Variants in ERVK3-1 observed in about 807,000 individuals in gnomAD.
ERVK3-1 encodes the protein endogenous retrovirus group K3 member 1.
At chr19:58,309,248 T>G (rs2051542349) in intron 2 of ERVK3-1, 1 of 152,236 alleles carries the variant, frequency 6.6e-6, no homozygotes, top group Non-Finnish European at 1.5e-5. Flanking sequence ...TAATATTGTT[T>G]TGGCCACTCC....
At chr19:58,314,755 G>A in exon 4 of ERVK3-1, 2 of 399,590 alleles carry the variant, frequency 5.0e-6, no homozygotes, top group Non-Finnish European at 8.9e-6. Flanking sequence ...TAGTCTATAG[G>A]ATCGGGTGAA....
At chr19:58,309,884 C>A (rs1292722486) in intron 2 of ERVK3-1, 2 of 152,198 alleles carry the variant, frequency 1.3e-5, no homozygotes, top group Non-Finnish European at 2.9e-5. Flanking sequence ...CAGGCTGCGG[C>A]CTGGGAGATG....
At position 58,312,001 on chromosome 19, in the gene ERVK3-1, C is replaced by A. The variant is rs754724857; in HGVS notation, c.-3-165C>A. 7 of 395,626 alleles carry A rather than the reference C, an allele frequency of 1.8e-5. No individual in the cohort carries two copies. The highest frequency in any genetic ancestry group is 2.2e-5 in the Non-Finnish European group (5 of 224,780). The allele number at this position is 395,626 out of a possible 1,614,324, so 24.5% of individuals were successfully genotyped here. On this transcript the variant is annotated intron_variant, in intron 2 of 3. Transcript: ENST00000413518. This position sits in a 1 kb window ranked among gnomAD's most constrained non-coding sequence, Gnocchi z 4.7. ...GCCTTGTTTACTTTAAATTGTTTGA[C>A]TCCTGGTACGGATGGCAAGACCCCA...
At chr19:58,316,401 G>A (rs537579890), downstream of ERVK3-1, among the ~76,000 whole-genome samples, 44 of 152,320 alleles carry the variant, frequency 2.9e-4, no homozygotes, top group African/African-American at 1.0e-3. Flanking sequence ...AGCAGGCTGG[G>A]CGCAGTGGCT....
chr19:58,306,853 GC>G (rs112877738), intron 2 of ERVK3-1, among the ~76,000 whole-genome samples: 9,806 of 152,234 alleles, frequency 0.064, 1,074 homozygotes, highest in African/African-American at 0.22. Flanking sequence ...AGAATTAAAA[GC>G]TAGTGTGGTT....
chr19:58,307,469 T>A (rs1481461142), intron 2 of ERVK3-1, among the ~76,000 whole-genome samples: 1 of 152,200 alleles, frequency 6.6e-6, no homozygotes, highest in African/African-American at 2.4e-5. Flanking sequence ...TAATAGCTAA[T>A]TTAGTAGTGA....
chr19:58,312,425 C>T lies in ERVK3-1; in HGVS notation c.257C>T (p.Ser86Phe). ...CAGGGTCAGGCAAAAACCCCTGACT[C>T]CATGTTCTTGGCCATGCTAGCTGTA... The change falls in exon 3 of 4, where the codon TCC becomes TTC. Residue 86 changes from serine (S) to phenylalanine (F), a missense_variant. Transcript: ENST00000413518. The surrounding 1 kb of genome is among the most constrained non-coding windows in gnomAD (Gnocchi z 4.7). 2 of 400,192 alleles carry T rather than the reference C, an allele frequency of 5.0e-6. No individual in the cohort carries two copies. Among genetic ancestry groups the T allele is most frequent in the South Asian group, 1.3e-4 (1 of 7,854 alleles). The allele number at this position is 400,192 out of a possible 1,614,324, so 24.8% of individuals were successfully genotyped here.
chr19:58,307,227 T>C (rs1408044300), intron 2 of ERVK3-1, among the ~76,000 whole-genome samples: 1 of 152,222 alleles, frequency 6.6e-6, no homozygotes, highest in Non-Finnish European at 1.5e-5. Flanking sequence ...CATGCAAAAA[T>C]CACAGGAGCC....
At chr19:58,316,066 C>T (rs1026054133), downstream of ERVK3-1, among the ~76,000 whole-genome samples, 2 of 152,100 alleles carry the variant, frequency 1.3e-5, no homozygotes, top group Admixed American at 6.5e-5. Flanking sequence ...CCTGAGGTGC[C>T]GAGTGAGGTA....
exon 4 of ERVK3-1, chr19:58,314,886 C>A (rs764662711): frequency 2.5e-6 from 1 of 397,650 alleles, no homozygotes; most frequent in Non-Finnish European, 4.4e-6. Context: ...CAGTATACCA[C>A]TGGAGGCTCT....
At position 58,312,653 on chromosome 19, in the gene ERVK3-1, C is replaced by T. The variant is rs1416259424; in HGVS notation, c.294+191C>T. On this transcript the variant is annotated intron_variant, in intron 3 of 3. Coordinates refer to ENST00000413518, the Ensembl canonical transcript of ERVK3-1. This position sits in a 1 kb window ranked among gnomAD's most constrained non-coding sequence, Gnocchi z 4.7. ...TTACACCGGCCCATTGGAAGGACTC[C>T]CTTTATGTATCACCATGGATACGTC... is the stretch of plus-strand genomic sequence containing the variant. Among the ~76,000 whole-genome samples, 1 of 152,162 alleles carries T rather than the reference C, an allele frequency of 6.6e-6. No homozygotes were observed. The highest frequency in any genetic ancestry group is 1.5e-5 in the Non-Finnish European group (1 of 68,030).
chr19:58,313,868 A>G lies in ERVK3-1; in HGVS notation c.295-880A>G, dbSNP rs897105540. Among the ~76,000 whole-genome samples, 1 of 152,222 alleles carries G rather than the reference A, an allele frequency of 6.6e-6. No individual in the cohort carries two copies. The highest frequency in any genetic ancestry group is 1.5e-5 in the Non-Finnish European group (1 of 68,032). On this transcript the variant is annotated intron_variant, in intron 3 of 3. Transcript: ENST00000413518. This position sits in a 1 kb window ranked among gnomAD's most constrained non-coding sequence, Gnocchi z 4.5. ...TCATCGTGCACGTAAAGCCTTAAAC[A>G]TAGTAATTTTTACTGTAATCTCCTT...
exon 1 of ERVK3-1, chr19:58,305,404 G>T (rs1001821628): frequency 6.6e-6 from 1 of 152,384 alleles, no homozygotes; most frequent in Admixed American, 6.5e-5. Flanking sequence ...CGGGCGCGCG[G>T]ACTATCGGGC....
intron 3 of ERVK3-1, 132 bp from the exon 4 acceptor site, chr19:58,314,616 G>A: frequency 3.2e-6 from 1 of 310,604 alleles, no homozygotes; most frequent in South Asian, 2.1e-4. Flanking sequence ...GACAGAGCGA[G>A]ACTCCATCTC....
chr19:58,313,938 A>G lies in ERVK3-1; in HGVS notation c.295-810A>G, dbSNP rs931142161. Among the ~76,000 whole-genome samples, 1 of 152,250 alleles carries G rather than the reference A, an allele frequency of 6.6e-6. No individual in the cohort carries two copies. The highest frequency in any genetic ancestry group is 2.4e-5 in the African/African-American group (1 of 41,470). ...GTTGTAGTGTCCTCAGTAGCACTAC[A>G]TAGTTCTATTCAAACAGCCCAATAT... is the stretch of plus-strand genomic sequence containing the variant. On this transcript the variant is annotated intron_variant, in intron 3 of 3. Transcript: ENST00000413518. This position sits in a 1 kb window ranked among gnomAD's most constrained non-coding sequence, Gnocchi z 4.5.
rs905393009 is a variant in ERVK3-1, at chr19:58,313,021, A to G, written c.294+559A>G. The G allele has an allele frequency of 6.6e-6, 1 of 152,228 alleles. No homozygotes were observed. The highest frequency in any genetic ancestry group is 2.4e-5 in the African/African-American group (1 of 41,440). 9.4% of individuals were successfully genotyped at this position (152,228 alleles called of 1,614,324 possible). ...GGTGGTGGACCTTCAACACCTCTTC[A>G]TCACATCACACTGGGATTCAGTCCC... On this transcript the variant is annotated intron_variant, in intron 3 of 3. Coordinates refer to ENST00000413518, the Ensembl canonical transcript of ERVK3-1. This position sits in a 1 kb window ranked among gnomAD's most constrained non-coding sequence, Gnocchi z 4.5.
intron 1 of ERVK3-1, among the ~76,000 whole-genome samples, chr19:58,305,776 G>A (rs1462645055): frequency 1.3e-5 from 2 of 152,208 alleles, no homozygotes; most frequent in African/African-American, 4.8e-5. Flanking sequence ...TTGGTAAACT[G>A]ACAAACTGCG....
rs186460158 is a variant in ERVK3-1, at chr19:58,308,619, G to A, written c.-4+2403G>A. ...GGGAAAGTTCCTACAGGGAAACCCC[G>A]GTCCGGTATCGGTAACTGGGCAAAC... On this transcript the variant is annotated intron_variant, in intron 2 of 3. Transcript: ENST00000413518. 3.5e-3 allele frequency among the ~76,000 whole-genome samples: 537 copies of A among 152,310 alleles called. 2 individuals carry two copies. Among genetic ancestry groups the A allele is most frequent in the African/African-American group, 0.01 (417 of 41,552 alleles).
chr19:58,316,360 T>C (rs906199103), downstream of ERVK3-1, among the ~76,000 whole-genome samples: 2 of 152,144 alleles, frequency 1.3e-5, no homozygotes, highest in Non-Finnish European at 2.9e-5. Flanking sequence ...CATCAGAGTA[T>C]GGTTGGCAAA....
Sources: allele counts gnomAD v4.1 joint callset (sites outside exome capture counted in the v4.1 genomes callset), GRCh38; gene constraint gnomAD v4.1.1; non-coding constraint Gnocchi (gnomAD v3.1); transcripts MANE v1.5; gene names NCBI Gene and HGNC (gene_info 2026-07-23, HGNC 2026-07-21).